PTPDC1: variants seen among roughly 807,000 people sequenced by gnomAD.
PTPDC1 encodes the protein protein tyrosine phosphatase domain containing 1, also known as protein tyrosine phosphatase domain-containing protein 1.
Under a neutral mutation model 75.3 loss-of-function variants are expected in PTPDC1, and 53 were observed. That is an observed-to-expected ratio of 0.70 (90% confidence interval 0.56 to 0.88). PTPDC1 has a LOEUF of 0.88. Among genes scored for constraint, PTPDC1 ranks in the 40% least tolerant of loss-of-function variants. PTPDC1 has a pLI of 0.00. For missense variants in PTPDC1, 925 were observed against 998.6 expected (o/e 0.93, Z 0.99); for synonymous variants, 349 against 366.2 (o/e 0.95, Z 0.54).
intron 1 of PTPDC1, among the ~76,000 whole-genome samples, chr9:94,049,104 A>G (rs1382189773): frequency 1.3e-5 from 2 of 152,162 alleles, no homozygotes; most frequent in Admixed American, 6.5e-5. Flanking sequence ...GTGTCTCTGC[A>G]CATGAGATGG....
chr9:94,098,720 G>T (rs147818617), intron 6 of PTPDC1, 141 bp downstream of exon 6: 1 of 742,628 alleles, frequency 1.3e-6, no homozygotes, highest in South Asian at 1.8e-5. Flanking sequence ...CAGGTTTCTC[G>T]TCTCTGATGC....
At chr9:94,099,435 T>C (rs896848655) in intron 6 of PTPDC1, among the ~76,000 whole-genome samples, 1 of 152,200 alleles carries the variant, frequency 6.6e-6, no homozygotes, top group Non-Finnish European at 1.5e-5. Context: ...AATAGCTCGC[T>C]TTCATAGTCT....
At chr9:94,078,362 T>G (rs1452813307) in intron 2 of PTPDC1, among the ~76,000 whole-genome samples, 1 of 152,214 alleles carries the variant, frequency 6.6e-6, no homozygotes, top group Non-Finnish European at 1.5e-5. Context: ...TGGTTTCTGA[T>G]GAGAAGTAAA....
intron 1 of PTPDC1, among the ~76,000 whole-genome samples, chr9:94,045,557 C>T (rs1432149479): frequency 6.6e-6 from 1 of 152,080 alleles, no homozygotes; most frequent in Non-Finnish European, 1.5e-5. Flanking sequence ...GAGATGGTAT[C>T]TCATTGTGGT....
intron 4 of PTPDC1, among the ~76,000 whole-genome samples, chr9:94,090,989 A>G (rs992957430): frequency 3.9e-5 from 6 of 152,140 alleles, no homozygotes; most frequent in Admixed American, 6.5e-5. Context: ...GGCTTGAGAC[A>G]ATGGGGTTTT....
At chr9:94,105,406 A>G (rs879397923) in intron 8 of PTPDC1, among the ~76,000 whole-genome samples, 8 of 152,250 alleles carry the variant, frequency 5.3e-5, no homozygotes, top group Non-Finnish European at 8.8e-5. Context: ...GTGGTGGCTT[A>G]CGCCTGTGAT....
intron 2 of PTPDC1, among the ~76,000 whole-genome samples, chr9:94,069,517 C>G (rs1487107079): frequency 6.6e-6 from 1 of 150,958 alleles, no homozygotes; most frequent in Non-Finnish European, 1.5e-5. Flanking sequence ...TTGGTACTTC[C>G]AATTCTTTTT....
intron 2 of PTPDC1, among the ~76,000 whole-genome samples, chr9:94,086,494 A>G (rs1291547710): frequency 6.6e-6 from 1 of 152,156 alleles, no homozygotes; most frequent in African/African-American, 2.4e-5. Flanking sequence ...TCAGAGGGAA[A>G]GGTGTCATTT....
rs752402078 is a variant in PTPDC1, at chr9:94,092,805, T to C, written c.617-2512T>C. Among the ~76,000 whole-genome samples, 1,092 of 150,148 alleles carry C rather than the reference T, an allele frequency of 7.3e-3. 10 individuals are homozygous for C. Among genetic ancestry groups the C allele is most frequent in the Non-Finnish European group, 0.014 (926 of 67,410 alleles). On this transcript the variant is annotated intron_variant, in intron 4 of 8. Coordinates refer to ENST00000620992, the MANE Select transcript of PTPDC1 (RefSeq NM_001253829.2). Reference sequence around the variant, plus strand: ...CATATATATTTAGGATAGTTAGCTCTTCTTGTTGAATTGATCCCTTTACCA... The same window carrying C: ...CATATATATTTAGGATAGTTAGCTCCTCTTGTTGAATTGATCCCTTTACCA...
At chr9:94,082,182 GC>G (rs1826905421), upstream of PTPDC1, among the ~76,000 whole-genome samples, 1 of 152,222 alleles carries the variant, frequency 6.6e-6, no homozygotes, top group Non-Finnish European at 1.5e-5. Flanking sequence ...TGAAAAGTGA[GC>G]CTCTTGTCAC....
chr9:94,058,917 G>A (rs895609409), intron 1 of PTPDC1, among the ~76,000 whole-genome samples: 5 of 152,146 alleles, frequency 3.3e-5, no homozygotes, highest in East Asian at 1.9e-4. Flanking sequence ...CTTGAACCCA[G>A]GAGGTAGAAG....
intron 1 of PTPDC1, among the ~76,000 whole-genome samples, chr9:94,057,190 C>A (rs1235891249): frequency 6.6e-6 from 1 of 152,094 alleles, no homozygotes; most frequent in African/African-American, 2.4e-5. Context: ...GTAATCCTCC[C>A]ACCTCAGCCT....
intron 2 of PTPDC1, among the ~76,000 whole-genome samples, chr9:94,070,059 G>A (rs1436731776): frequency 6.6e-6 from 1 of 151,784 alleles, no homozygotes; most frequent in African/African-American, 2.4e-5. Flanking sequence ...TCCTGACCTC[G>A]TGATCCGCCC....
chr9:94,106,736 G>A (rs1286442545), intron 8 of PTPDC1, among the ~76,000 whole-genome samples: 1 of 152,142 alleles, frequency 6.6e-6, no homozygotes, highest in Non-Finnish European at 1.5e-5. Flanking sequence ...AAGCAGAGAA[G>A]CAGTGATTGT....
intron 7 of PTPDC1, among the ~76,000 whole-genome samples, chr9:94,102,973 A>G (rs909572453): frequency 2.0e-5 from 3 of 151,086 alleles, no homozygotes; most frequent in African/African-American, 7.4e-5. Context: ...AATTTCACTA[A>G]AAATCTTCTG....
chr9:94,073,392 G>A (rs1826578905), intron 2 of PTPDC1, among the ~76,000 whole-genome samples: 1 of 152,080 alleles, frequency 6.6e-6, no homozygotes, highest in Admixed American at 6.5e-5. Context: ...CCTGATATGG[G>A]TGATTTGTGT....
chr9:94,051,487 C>T (rs768599818), intron 1 of PTPDC1, among the ~76,000 whole-genome samples: 6 of 152,178 alleles, frequency 3.9e-5, no homozygotes, highest in African/African-American at 7.2e-5. Context: ...ATGAATTGGG[C>T]GATGATCCCT....
At chr9:94,051,102 G>A (rs962259268) in intron 1 of PTPDC1, among the ~76,000 whole-genome samples, 2 of 152,184 alleles carry the variant, frequency 1.3e-5, no homozygotes, top group Non-Finnish European at 2.9e-5. Flanking sequence ...TTTTCCAAGT[G>A]CCGTCTGTAC....
chr9:94,088,691 C>T (rs1827165773), intron 4 of PTPDC1, among the ~76,000 whole-genome samples: 1 of 152,160 alleles, frequency 6.6e-6, no homozygotes, highest in African/African-American at 2.4e-5. Context: ...TACTGCTGTC[C>T]AGCCCTGCTC....
Sources: gnomAD v4.1 joint callset for allele counts (sites outside exome capture counted in the v4.1 genomes callset) on GRCh38, gnomAD v4.1.1 for gene constraint, MANE v1.5 for transcripts, NCBI Gene and HGNC (gene_info 2026-07-23, HGNC 2026-07-21) for gene names.